The following TSPAN15 variants were observed in gnomAD, a reference collection of about 807,000 sequenced individuals.
TSPAN15 encodes the protein tetraspanin 15, also known as tetraspanin-15.
A neutral mutation model predicts 34.5 loss-of-function variants in TSPAN15; 20 were observed. The observed-to-expected ratio is 0.58, with a 90% CI of 0.41 to 0.84. The LOEUF is 0.84. Among genes scored for constraint, TSPAN15 ranks in the 40% least tolerant of loss-of-function variants. The pLI is 0.00. For missense variants in TSPAN15, 313 were observed against 386.1 expected, an observed-to-expected ratio of 0.81 and a Z score of 1.59; for synonymous variants, 155 against 153.9, an observed-to-expected ratio of 1.01 and a Z score of -0.05.
chr10:69,506,191 A>G lies in TSPAN15; in HGVS notation c.686A>G (p.Asp229Gly). 1.2e-6 allele frequency: 2 copies of G among 1,614,176 alleles called. No individual in the cohort carries two copies. The highest frequency in any genetic ancestry group is 1.7e-6 in the Non-Finnish European group (2 of 1,180,036). Residue 229 changes from aspartate to glycine, a missense_variant, in exon 7 of 8, where the codon GAC becomes GGC. Transcript: ENST00000373290. The surrounding 1 kb of genome is among the most constrained non-coding windows in gnomAD (Gnocchi z 4.7). ...CTNAVIIWFMDNYTIMAGILL... is the reference protein window; with the variant it reads ...CTNAVIIWFMGNYTIMAGILL... ...AACGCCGTGATCATCTGGTTCATGG[A>G]CAACTACACCATCATGGCGGGCATC...
chr10:69,481,381 T>C (rs1275208851), intron 1 of TSPAN15, among the ~76,000 whole-genome samples: 1 of 152,228 alleles, frequency 6.6e-6, no homozygotes, highest in African/African-American at 2.4e-5. Context: ...CCTTGAAACA[T>C]AGCAGAGTAC....
downstream of TSPAN15, among the ~76,000 whole-genome samples, chr10:69,508,675 C>T (rs80281632): frequency 6.6e-6 from 1 of 152,176 alleles, no homozygotes; most frequent in African/African-American, 2.4e-5. Context: ...TTGCCAGGAA[C>T]GATATTAACT....
intron 5 of TSPAN15, among the ~76,000 whole-genome samples, 193 bp from the exon 6 acceptor site, chr10:69,504,244 CG>C (rs1351587535): frequency 6.6e-6 from 1 of 150,924 alleles, no homozygotes; most frequent in Non-Finnish European, 1.5e-5. Flanking sequence ...AGTTTTTTCA[CG>C]GGGCATTTCT....
intron 1 of TSPAN15, among the ~76,000 whole-genome samples, chr10:69,455,951 A>G (rs1389698784): frequency 6.6e-6 from 1 of 152,046 alleles, no homozygotes; most frequent in South Asian, 2.1e-4. Context: ...GGTGATCACC[A>G]CTGGATTATC....
chr10:69,514,446 A>G, the TSPAN15 span, among the ~76,000 whole-genome samples: 1 of 152,192 alleles, frequency 6.6e-6, no homozygotes, highest in Non-Finnish European at 1.5e-5. Flanking sequence ...TTCTTCTTTA[A>G]AAGTTTGATA....
chr10:69,521,046 C>T, the TSPAN15 span, among the ~76,000 whole-genome samples: 3 of 151,482 alleles, frequency 2.0e-5, no homozygotes, highest in Admixed American at 2.0e-4. Context: ...ATGTGTCAAC[C>T]TGACTGGGCT....
rs570952791 is a variant in TSPAN15, at chr10:69,454,312, G to GTT, written c.96+2624_96+2625dup. The stretch of plus-strand genomic sequence containing the variant: ...GCGGGAGGATCACCCGAGGTCTGGA[G>GTT]TTTGAGACCAGCCTGGCTAACATGG... On this transcript the variant is annotated intron_variant, in intron 1 of 7. Transcript: ENST00000373290. 3.7e-3 allele frequency among the ~76,000 whole-genome samples: 559 copies of GTT among 152,220 alleles called. 3 individuals are homozygous for GTT. The highest frequency in any genetic ancestry group is 0.013 in the African/African-American group (526 of 41,510).
At chr10:69,495,392 A>G in intron 3 of TSPAN15, 5 of 571,604 alleles carry the variant, frequency 8.7e-6, no homozygotes, top group Non-Finnish European at 1.6e-5. Context: ...CAGGCATCAG[A>G]TGAACACTGG....
the TSPAN15 span, among the ~76,000 whole-genome samples, chr10:69,532,180 T>A: frequency 3.3e-5 from 5 of 152,030 alleles, no homozygotes; most frequent in East Asian, 9.6e-4. Flanking sequence ...GTTAAAAAAA[T>A]TGTTTTAGAA....
chr10:69,519,714 T>C, the TSPAN15 span, among the ~76,000 whole-genome samples: 1 of 152,140 alleles, frequency 6.6e-6, no homozygotes, highest in East Asian at 1.9e-4. Context: ...AATATATTAA[T>C]ACATAACATA....
intron 1 of TSPAN15, among the ~76,000 whole-genome samples, chr10:69,461,985 AT>A (rs2133068699): frequency 6.9e-6 from 1 of 144,290 alleles, no homozygotes; most frequent in African/African-American, 2.6e-5. Flanking sequence ...GGCACCCGTA[AT>A]TAAAAAAAAA....
At chr10:69,534,454 T>C in the TSPAN15 span, among the ~76,000 whole-genome samples, 92 of 152,228 alleles carry the variant, frequency 6.0e-4, no homozygotes, top group African/African-American at 2.2e-3. Flanking sequence ...CTCAAAATAA[T>C]GGGGGCACAA....
chr10:69,466,801 TG>T (rs1841393617), intron 1 of TSPAN15, among the ~76,000 whole-genome samples: 1 of 152,236 alleles, frequency 6.6e-6, no homozygotes, highest in Non-Finnish European at 1.5e-5. Context: ...CTTCTCATTA[TG>T]GTACAGCATC....
chr10:69,542,017 T>A, the TSPAN15 span, among the ~76,000 whole-genome samples: 1 of 152,210 alleles, frequency 6.6e-6, no homozygotes, highest in Non-Finnish European at 1.5e-5. Flanking sequence ...CCCTAAGAAA[T>A]GAGTTTTTCT....
chr10:69,454,263 A>G (rs963128765), intron 1 of TSPAN15, among the ~76,000 whole-genome samples: 1 of 152,184 alleles, frequency 6.6e-6, no homozygotes, highest in African/African-American at 2.4e-5. Flanking sequence ...CATGCTTGTA[A>G]TCCCAGCATT....
At chr10:69,515,766 G>A in the TSPAN15 span, among the ~76,000 whole-genome samples, 6 of 152,184 alleles carry the variant, frequency 3.9e-5, no homozygotes, top group African/African-American at 7.2e-5. Flanking sequence ...AGGCACAAAC[G>A]TTCCCAGCAA....
At chr10:69,455,846 C>T (rs890770374) in intron 1 of TSPAN15, among the ~76,000 whole-genome samples, 5 of 151,940 alleles carry the variant, frequency 3.3e-5, no homozygotes, top group African/African-American at 4.8e-5. Context: ...AGTGAACACA[C>T]CTGTACACTG....
At chr10:69,474,669 C>A (rs1841577926) in intron 1 of TSPAN15, among the ~76,000 whole-genome samples, 1 of 151,994 alleles carries the variant, frequency 6.6e-6, no homozygotes, top group Admixed American at 6.6e-5. Context: ...CAGGAATATA[C>A]CCCTGAGCGG....
At chr10:69,498,486 G>T in intron 5 of TSPAN15, 90 bp downstream of exon 5, 1 of 1,014,764 alleles carries the variant, frequency 9.9e-7, no homozygotes. Context: ...CTTGAAGATG[G>T]GTGGTGTGGG....
Sources: allele counts gnomAD v4.1 joint callset (sites outside exome capture counted in the v4.1 genomes callset), GRCh38; gene constraint gnomAD v4.1.1; non-coding constraint Gnocchi (gnomAD v3.1); transcripts MANE v1.5; gene names NCBI Gene and HGNC (gene_info 2026-07-23, HGNC 2026-07-21).